TTLL1: variants seen among roughly 807,000 people sequenced by gnomAD.
The protein encoded by TTLL1 is TTL family tubulin polyglutamylase complex subunit L1.
TTLL1 carries 33 observed loss-of-function variants against 47.8 expected under a neutral mutation model. The ratio of observed to expected loss-of-function variants is 0.69; its 90% confidence interval spans 0.52 to 0.92. The LOEUF (loss-of-function observed/expected upper bound fraction) is 0.92, where lower values mean the gene tolerates loss of function less well. TTLL1 is among the 40% of genes least tolerant of loss of function. The probability of loss-of-function intolerance (pLI) is 0.00; values close to 1 mark genes in which losing one functional copy is unlikely to be tolerated. For missense variants in TTLL1, 488 were observed against 547.5 expected, an observed-to-expected ratio of 0.89 and a Z score of 1.08; for synonymous variants, 225 against 214.1, an observed-to-expected ratio of 1.05 and a Z score of -0.45.
At chr22:43,045,553 T>C (rs1294375037) in intron 10 of TTLL1, among the ~76,000 whole-genome samples, 1 of 148,522 alleles carries the variant, frequency 6.7e-6, no homozygotes, top group African/African-American at 2.5e-5. Context: ...TCAGGTGATC[T>C]GCCCGCCTCG....
chr22:43,069,112 C>T (rs1222148720), intron 4 of TTLL1, among the ~76,000 whole-genome samples: 1 of 150,624 alleles, frequency 6.6e-6, no homozygotes. Context: ...TGTGGTGGCT[C>T]ACGTCTATAA....
intron 1 of TTLL1, among the ~76,000 whole-genome samples, chr22:43,084,839 T>C (rs1445624201): frequency 2.0e-5 from 3 of 151,934 alleles, no homozygotes; most frequent in Non-Finnish European, 4.4e-5. Context: ...CAATCTCTTA[T>C]CATCAGGTGG....
chr22:43,066,207 G>A (rs1268462079), intron 5 of TTLL1, among the ~76,000 whole-genome samples: 1 of 151,672 alleles, frequency 6.6e-6, no homozygotes, highest in Non-Finnish European at 1.5e-5. Context: ...AAAAAAAATG[G>A]ATGGTAAAGA....
At chr22:43,088,189 A>T (rs1221830570) in intron 1 of TTLL1, among the ~76,000 whole-genome samples, 2 of 151,870 alleles carry the variant, frequency 1.3e-5, no homozygotes, top group African/African-American at 2.4e-5. Flanking sequence ...GTCAGTGATG[A>T]CTTCATGTTG....
intron 3 of TTLL1, among the ~76,000 whole-genome samples, chr22:43,070,645 A>G (rs2146982295): frequency 6.6e-6 from 1 of 152,140 alleles, no homozygotes; most frequent in South Asian, 2.1e-4. Context: ...TATTATGGAA[A>G]ACCTCCATCA....
chr22:43,063,379 T>C (rs1318998075), intron 7 of TTLL1, among the ~76,000 whole-genome samples: 1 of 151,922 alleles, frequency 6.6e-6, no homozygotes, highest in Admixed American at 6.6e-5. Context: ...TGCCGGACCT[T>C]AGACCAGGAT....
At chr22:43,040,053 A>C (rs1601643735) in intron 10 of TTLL1, 148 bp from the exon 11 acceptor site, 2 of 1,054,730 alleles carry the variant, frequency 1.9e-6, no homozygotes, top group Non-Finnish European at 2.7e-6. Context: ...GCTCCCGCCC[A>C]CCTCCCACCT....
chr22:43,081,524 C>T (rs970103530), intron 1 of TTLL1, among the ~76,000 whole-genome samples: 58 of 151,846 alleles, frequency 3.8e-4, no homozygotes, highest in Admixed American at 3.8e-3. Flanking sequence ...TCCCCACACA[C>T]CCCTTCCATT....
At chr22:43,048,277 A>G (rs1926307580) in intron 9 of TTLL1, among the ~76,000 whole-genome samples, 1 of 151,866 alleles carries the variant, frequency 6.6e-6, no homozygotes, top group South Asian at 2.1e-4. Flanking sequence ...AGATCACGCC[A>G]CTGCGCTCCA....
intron 1 of TTLL1, among the ~76,000 whole-genome samples, chr22:43,080,908 T>C (rs896674971): frequency 7.9e-5 from 4 of 50,812 alleles, no homozygotes; most frequent in Admixed American, 4.0e-4. Context: ...ATGACTTTTT[T>C]TTTTTTTTTT....
At position 43,075,570 on chromosome 22, in the gene TTLL1, T is replaced by C. The variant is rs199974695; in HGVS notation, c.17A>G (p.Lys6Arg). The C allele has an allele frequency of 9.9e-6, 16 of 1,614,172 alleles. No individual in the cohort carries two copies. The highest frequency in any genetic ancestry group is 3.3e-5 in the Admixed American group (2 of 60,010). The change falls in exon 3 of 11, where the codon AAA (lysine) becomes AGA (arginine). Residue 6 changes from lysine (K) to arginine (R), a missense_variant. By Grantham distance (26) the Lys-to-Arg change is conservative. Coordinates refer to ENST00000266254, the MANE Select transcript of TTLL1 (RefSeq NM_012263.5). MAGKV[K>R]WVTDIEKSVL... ...TGACTTCTCGATATCAGTGACCCAT[T>C]TTACTTTCCCTGCCATAATCCTGGA...
At chr22:43,053,923 A>G (rs1926820092) in intron 8 of TTLL1, among the ~76,000 whole-genome samples, 1 of 152,172 alleles carries the variant, frequency 6.6e-6, no homozygotes, top group Non-Finnish European at 1.5e-5. Flanking sequence ...GGAGGGAGGG[A>G]GAGCAAAGGG....
At chr22:43,081,824 G>C (rs1928910983) in intron 1 of TTLL1, among the ~76,000 whole-genome samples, 1 of 144,244 alleles carries the variant, frequency 6.9e-6, no homozygotes. Flanking sequence ...TGGGATTATA[G>C]GCGTGAGCCA....
chr22:43,064,592 G>A (rs1297603361), intron 5 of TTLL1, among the ~76,000 whole-genome samples: 1 of 151,984 alleles, frequency 6.6e-6, no homozygotes, highest in African/African-American at 2.4e-5. Flanking sequence ...CCGGTGTGGT[G>A]GTGTGTGCCT....
intron 1 of TTLL1, among the ~76,000 whole-genome samples, chr22:43,087,850 A>AAG (rs1182139544): frequency 6.8e-6 from 1 of 146,996 alleles, no homozygotes; most frequent in East Asian, 2.0e-4. Context: ...AAAAAAAAAA[A>AAG]AAAAACCAAG....
chr22:43,051,827 C>A lies in TTLL1; in HGVS notation c.952G>T (p.Asp318Tyr), dbSNP rs570543392. 9.3e-6 allele frequency: 15 copies of A among 1,614,026 alleles called. No homozygotes were observed. In the Admixed American group the frequency reaches 1.8e-4, roughly 20 times the overall value. Residue 318 changes from aspartate (D) to tyrosine (Y), a missense_variant, in exon 9 of 11, where the codon GAC becomes TAC. Coordinates refer to ENST00000266254, the MANE Select transcript of TTLL1 (RefSeq NM_012263.5). ...ECYGYDIIID[D>Y]KLKPWLIEVN... ...TCGATCAGCCAGGGCTTCAGCTTGT[C>A]GTCGATGATGATGTCGTAGCCATAG...
intron 7 of TTLL1, 27 bp from the exon 8 acceptor site, chr22:43,059,554 C>T (rs1226301939): frequency 6.2e-7 from 1 of 1,603,506 alleles, no homozygotes; most frequent in East Asian, 2.2e-5. Flanking sequence ...GGGCAGGCAT[C>T]CCTCAGGCTA....
At chr22:43,083,645 T>C (rs1399191330) in intron 1 of TTLL1, among the ~76,000 whole-genome samples, 2 of 151,660 alleles carry the variant, frequency 1.3e-5, no homozygotes, top group Non-Finnish European at 2.9e-5. Context: ...TGAGAACTGC[T>C]TGAACTCAGG....
intron 4 of TTLL1, 77 bp downstream of exon 4, chr22:43,069,559 C>A (rs1927973799): frequency 2.5e-6 from 4 of 1,591,378 alleles, no homozygotes; most frequent in Non-Finnish European, 3.4e-6. Context: ...CCAACAGTCA[C>A]CACCTCAGCG....
Sources: gnomAD v4.1 joint callset for allele counts (sites outside exome capture counted in the v4.1 genomes callset) on GRCh38, gnomAD v4.1.1 for gene constraint, MANE v1.5 for transcripts, NCBI Gene and HGNC (gene_info 2026-07-23, HGNC 2026-07-21) for gene names.